NAALADL2: variants seen among roughly 807,000 people sequenced by gnomAD.
The protein encoded by NAALADL2 is N-acetylated alpha-linked acidic dipeptidase like 2.
NAALADL2 carries 76 observed loss-of-function variants against 87.2 expected under a neutral mutation model. The observed-to-expected ratio is 0.87, with a 90% CI of 0.72 to 1.05. The LOEUF (loss-of-function observed/expected upper bound fraction) is 1.05, where lower values mean the gene tolerates loss of function less well. NAALADL2 is among the 50% of genes least tolerant of loss of function. The pLI, the probability that NAALADL2 is intolerant of heterozygous loss-of-function variation, is 0.00. For missense variants in NAALADL2, 1,089 were observed against 945.8 expected, an observed-to-expected ratio of 1.15 and a Z score of -1.99; for synonymous variants, 354 against 331.0, an observed-to-expected ratio of 1.07 and a Z score of -0.75.
In NAALADL2 at chr3:175,057,478, G is replaced by A. The variant is rs552821273; in HGVS notation, c.44-39312G>A. ...TAGCATCTTAGAAAGTTACAGTGAT[G>A]TAGGAGACTTTTTGTATTTTCCTCA... On this transcript the variant is annotated intron_variant, in intron 1 of 13. Coordinates refer to ENST00000454872, the MANE Select transcript of NAALADL2 (RefSeq NM_207015.3). Among the ~76,000 whole-genome samples, 120 of 152,316 alleles carry A rather than the reference G, an allele frequency of 7.9e-4. 1 individual carries two copies. Among genetic ancestry groups the A allele is most frequent in the African/African-American group, 2.6e-3 (109 of 41,588 alleles).
chr3:174,868,713 T>C (rs928891231), intron 1 of NAALADL2, among the ~76,000 whole-genome samples: 2 of 152,148 alleles, frequency 1.3e-5, no homozygotes, highest in Admixed American at 1.3e-4. Flanking sequence ...ATTTAGAGAA[T>C]GTAGGATGGG....
chr3:175,490,752 C>T (rs886512683), intron 9 of NAALADL2, among the ~76,000 whole-genome samples: 1 of 151,884 alleles, frequency 6.6e-6, no homozygotes, highest in African/African-American at 2.4e-5. Flanking sequence ...CAATAATAGA[C>T]CCTAAATGTG....
intron 1 of NAALADL2, among the ~76,000 whole-genome samples, chr3:174,994,529 C>T (rs369554031): frequency 6.6e-6 from 1 of 152,026 alleles, no homozygotes; most frequent in Non-Finnish European, 1.5e-5. Context: ...ACATTTTTCC[C>T]ACCACTTAAA....
chr3:174,516,447 C>T (rs1719940225), intron 1 of NAALADL2, among the ~76,000 whole-genome samples: 1 of 151,974 alleles, frequency 6.6e-6, no homozygotes, highest in Non-Finnish European at 1.5e-5. Context: ...TATTTGTAGA[C>T]GTTCCACTTC....
chr3:174,981,268 TCTAAGCTTAGTCA>T (rs963639883), intron 1 of NAALADL2, among the ~76,000 whole-genome samples: 74 of 152,288 alleles, frequency 4.9e-4, no homozygotes, highest in Admixed American at 4.1e-3. Flanking sequence ...AGAAGAGAAC[TCTAAGCTTAGTCA>T]CTGAGCATTA....
chr3:175,300,121 A>G (rs1273619766), intron 4 of NAALADL2, among the ~76,000 whole-genome samples: 1 of 152,194 alleles, frequency 6.6e-6, no homozygotes, highest in Non-Finnish European at 1.5e-5. Context: ...CCAGCCTTGC[A>G]TCCCTGGTAT....
intron 5 of NAALADL2, among the ~76,000 whole-genome samples, chr3:175,423,028 A>AAAAAAAAAAAT (rs1438736874): frequency 2.0e-4 from 22 of 111,308 alleles, no homozygotes; most frequent in African/African-American, 8.2e-4. Flanking sequence ...GAAAAAAAAA[A>AAAAAAAAAAAT]ATATATATAT....
intron 1 of NAALADL2, among the ~76,000 whole-genome samples, chr3:175,070,301 G>T (rs899784479): frequency 6.7e-6 from 1 of 148,198 alleles, no homozygotes; most frequent in African/African-American, 2.5e-5. Context: ...TTTAGGATTC[G>T]AACATAGAAT....
chr3:175,773,591 C>A (rs1193137444), intron 13 of NAALADL2: 1 of 152,036 alleles, frequency 6.6e-6, no homozygotes, highest in African/African-American at 2.4e-5. Flanking sequence ...TAAATAAAGT[C>A]CTCTTGATCG....
rs189433830 is a variant in NAALADL2 at position 174,936,971 on chromosome 3, T to C, written c.43+77521T>C. On this transcript the variant is annotated intron_variant, in intron 1 of 13. Coordinates refer to ENST00000454872, the MANE Select transcript of NAALADL2 (RefSeq NM_207015.3). ...TGGATCAAATTGTTTATTTTAAATA[T>C]GTGCAGTATAGTGTCCTTTACCTAT... Among the ~76,000 whole-genome samples the C allele has an allele frequency of 1.1e-3, 167 of 152,222 alleles. 1 individual carries two copies. Among genetic ancestry groups the C allele is most frequent in the African/African-American group, 4.0e-3 (165 of 41,548 alleles).
chr3:175,535,330 A>C (rs1734667405), intron 9 of NAALADL2, among the ~76,000 whole-genome samples: 1 of 152,206 alleles, frequency 6.6e-6, no homozygotes, highest in Admixed American at 6.5e-5. Context: ...CCAGAACTTG[A>C]AAATTATCAG....
At chr3:174,884,178 G>T (rs1729775282) in intron 1 of NAALADL2, among the ~76,000 whole-genome samples, 1 of 152,140 alleles carries the variant, frequency 6.6e-6, no homozygotes, top group South Asian at 2.1e-4. Flanking sequence ...AAGCAGAAAT[G>T]TTAGTGGATC....
At chr3:174,581,942 T>C (rs1017560437) in intron 2 of NAALADL2, among the ~76,000 whole-genome samples, 1 of 152,210 alleles carries the variant, frequency 6.6e-6, no homozygotes, top group East Asian at 1.9e-4. Context: ...TGGAAGTTGT[T>C]TGTTTCTGTA....
chr3:175,301,729 G>A (rs955070189), intron 4 of NAALADL2, among the ~76,000 whole-genome samples: 10 of 152,084 alleles, frequency 6.6e-5, no homozygotes, highest in South Asian at 2.1e-4. Flanking sequence ...TAATCCTCTC[G>A]TTTTCTTAAG....
intron 1 of NAALADL2, among the ~76,000 whole-genome samples, chr3:175,000,227 A>G (rs1258758006): frequency 6.6e-6 from 1 of 152,218 alleles, no homozygotes; most frequent in East Asian, 1.9e-4. Flanking sequence ...CAGTTCACCT[A>G]AGAAAGACCG....
chr3:175,032,882 T>C (rs576841836), intron 1 of NAALADL2, among the ~76,000 whole-genome samples: 2 of 152,108 alleles, frequency 1.3e-5, no homozygotes, highest in South Asian at 4.1e-4. Context: ...AATCACTGCT[T>C]TCAACTATAG....
intron 2 of NAALADL2, among the ~76,000 whole-genome samples, chr3:175,168,830 G>A (rs554229759): frequency 1.3e-5 from 2 of 151,792 alleles, no homozygotes; most frequent in Non-Finnish European, 3.0e-5. Flanking sequence ...TTAAAAATAT[G>A]CGGTAGGATA....
intron 11 of NAALADL2, among the ~76,000 whole-genome samples, chr3:175,681,936 T>C (rs575602442): frequency 1.3e-5 from 2 of 152,270 alleles, no homozygotes; most frequent in East Asian, 3.9e-4. Flanking sequence ...AATAATAAAC[T>C]GTAAACCTAA....
intron 1 of NAALADL2, among the ~76,000 whole-genome samples, chr3:174,942,075 G>A (rs1261334093): frequency 4.6e-5 from 7 of 151,920 alleles, no homozygotes; most frequent in Admixed American, 1.3e-4. Flanking sequence ...TTGGCTTCTC[G>A]GGTTGCTTTA....
Sources: gnomAD v4.1 joint callset for allele counts (sites outside exome capture counted in the v4.1 genomes callset) on GRCh38, gnomAD v4.1.1 for gene constraint, MANE v1.5 for transcripts, NCBI Gene and HGNC (gene_info 2026-07-23, HGNC 2026-07-21) for gene names.